The following ADGRB3 variants were observed in gnomAD, a reference collection of about 807,000 sequenced individuals.
ADGRB3 encodes the protein brain-specific angiogenesis inhibitor 3.
ADGRB3 carries 37 observed loss-of-function variants against 193.4 expected under a neutral mutation model. That is an observed-to-expected ratio of 0.19 (90% CI 0.15 to 0.25). The LOEUF is 0.25. Among genes scored for constraint, ADGRB3 ranks in the 10% least tolerant of loss-of-function variants. The probability of loss-of-function intolerance (pLI) is 1.00; values close to 1 mark genes in which losing one functional copy is unlikely to be tolerated. For synonymous variants in ADGRB3, 690 were observed against 644.2 expected (o/e 1.07, Z -1.08); for missense variants, 1,637 against 1,852.9 (o/e 0.88, Z 2.14).
chr6:68,962,329 T>G lies in ADGRB3; in HGVS notation c.1525+5520T>G, dbSNP rs528248731. Among the ~76,000 whole-genome samples the G allele has an allele frequency of 3.8e-3, 586 of 152,252 alleles. 10 individuals carry two copies. The highest frequency in any genetic ancestry group is 0.014 in the African/African-American group (562 of 41,566). ...TCAAGCTGAGTTGTATGGGCAGACT[T>G]GGGGAAGAACCGCTGAGATCTAAAA... On this transcript the variant is annotated intron_variant, in intron 8 of 31. Coordinates refer to ENST00000370598, the MANE Select transcript of ADGRB3 (RefSeq NM_001704.3).
chr6:68,684,088 T>C (rs1764942639), intron 3 of ADGRB3, among the ~76,000 whole-genome samples: 1 of 152,198 alleles, frequency 6.6e-6, no homozygotes, highest in African/African-American at 2.4e-5. Flanking sequence ...TTCTGAAATA[T>C]GCGGCAACAG....
chr6:68,825,201 G>C (rs981015706), intron 3 of ADGRB3, among the ~76,000 whole-genome samples: 1 of 151,362 alleles, frequency 6.6e-6, no homozygotes, highest in African/African-American at 2.4e-5. Flanking sequence ...TTTTTTTTTC[G>C]TAAATTAATC....
intron 26 of ADGRB3, among the ~76,000 whole-genome samples, chr6:69,340,332 G>T (rs1367656173): frequency 6.6e-6 from 1 of 152,164 alleles, no homozygotes; most frequent in Non-Finnish European, 1.5e-5. Flanking sequence ...TGCAAGCACT[G>T]AGAGTATTTA....
At chr6:68,855,181 G>A (rs1764943701) in intron 3 of ADGRB3, among the ~76,000 whole-genome samples, 1 of 152,092 alleles carries the variant, frequency 6.6e-6, no homozygotes, top group Non-Finnish European at 1.5e-5. Context: ...CTGTTTCTTA[G>A]TAGATATCAA....
intron 3 of ADGRB3, among the ~76,000 whole-genome samples, chr6:68,877,225 TA>T (rs1765617912): frequency 6.6e-6 from 1 of 151,886 alleles, no homozygotes; most frequent in South Asian, 2.1e-4. Flanking sequence ...GGATTCTTTA[TA>T]AATAATCTAC....
intron 3 of ADGRB3, among the ~76,000 whole-genome samples, chr6:68,805,595 A>T (rs1767387340): frequency 6.6e-6 from 1 of 152,198 alleles, no homozygotes; most frequent in Admixed American, 6.5e-5. Context: ...CAGAGATGAA[A>T]GATCCAATAT....
intron 29 of ADGRB3, among the ~76,000 whole-genome samples, chr6:69,366,619 C>A (rs1455876006): frequency 6.6e-6 from 1 of 152,044 alleles, no homozygotes; most frequent in Non-Finnish European, 1.5e-5. Context: ...TAAAGAATTT[C>A]TCCTTTCTAT....
intron 20 of ADGRB3, among the ~76,000 whole-genome samples, chr6:69,260,087 A>G (rs1766891708): frequency 1.3e-5 from 2 of 152,208 alleles, no homozygotes; most frequent in Non-Finnish European, 2.9e-5. Flanking sequence ...ATTTGTGCTC[A>G]GTTATAGATT....
intron 3 of ADGRB3, among the ~76,000 whole-genome samples, chr6:68,721,912 A>G (rs1765589859): frequency 6.6e-6 from 1 of 151,396 alleles, no homozygotes; most frequent in African/African-American, 2.4e-5. Context: ...TTTTTAATGT[A>G]TGATATTTAA....
intron 3 of ADGRB3, among the ~76,000 whole-genome samples, chr6:68,754,472 T>G (rs867678792): frequency 1.3e-5 from 2 of 152,230 alleles, no homozygotes; most frequent in African/African-American, 2.4e-5. Context: ...TGCCTTTTGA[T>G]TGTTTCCTCT....
intron 20 of ADGRB3, among the ~76,000 whole-genome samples, chr6:69,291,638 T>C (rs1385946145): frequency 1.3e-5 from 2 of 152,154 alleles, no homozygotes; most frequent in Non-Finnish European, 2.9e-5. Flanking sequence ...TGAAGCCCAG[T>C]TTAGGGAAAC....
At chr6:68,670,472 G>T (rs999121088) in intron 3 of ADGRB3, among the ~76,000 whole-genome samples, 1 of 151,802 alleles carries the variant, frequency 6.6e-6, no homozygotes, top group African/African-American at 2.4e-5. Flanking sequence ...ATCTAGTGTT[G>T]TTGTTCTGCA....
intron 3 of ADGRB3, among the ~76,000 whole-genome samples, chr6:68,736,244 C>T (rs777196827): frequency 1.1e-4 from 17 of 152,096 alleles, no homozygotes; most frequent in Non-Finnish European, 2.4e-4. Context: ...ATCTCAAACT[C>T]CTGGGCTCAA....
chr6:68,756,200 A>C (rs751379245), intron 3 of ADGRB3, among the ~76,000 whole-genome samples: 1 of 152,304 alleles, frequency 6.6e-6, no homozygotes, highest in Non-Finnish European at 1.5e-5. Flanking sequence ...GGCTGTATAT[A>C]ACTTCCACTT....
At chr6:69,265,553 C>A (rs2127276045) in intron 20 of ADGRB3, among the ~76,000 whole-genome samples, 1 of 151,998 alleles carries the variant, frequency 6.6e-6, no homozygotes, top group Admixed American at 6.6e-5. Context: ...ATTGTGAAAG[C>A]CTCTAAATTG....
intron 20 of ADGRB3, among the ~76,000 whole-genome samples, chr6:69,308,169 G>A (rs1768104683): frequency 6.6e-6 from 1 of 151,426 alleles, no homozygotes; most frequent in Non-Finnish European, 1.5e-5. Flanking sequence ...AAATCAAACT[G>A]CGTGAGTTTG....
intron 20 of ADGRB3, among the ~76,000 whole-genome samples, chr6:69,286,459 C>T (rs1193947939): frequency 6.6e-6 from 1 of 152,186 alleles, no homozygotes; most frequent in Non-Finnish European, 1.5e-5. Context: ...ATGCTATTTA[C>T]TTGTGCCTTT....
intron 28 of ADGRB3, among the ~76,000 whole-genome samples, chr6:69,358,807 G>A (rs1769384922): frequency 6.6e-6 from 1 of 151,780 alleles, no homozygotes. Context: ...ATTTGTTTAT[G>A]CTGTATATTC....
At chr6:69,077,444 A>G (rs989930245) in intron 17 of ADGRB3, among the ~76,000 whole-genome samples, 2 of 151,888 alleles carry the variant, frequency 1.3e-5, no homozygotes, top group African/African-American at 4.8e-5. Context: ...TAGTTTTATT[A>G]TTATTATTTT....
Sources: allele counts gnomAD v4.1 joint callset (sites outside exome capture counted in the v4.1 genomes callset), GRCh38; gene constraint gnomAD v4.1.1; transcripts MANE v1.5; gene names NCBI Gene and HGNC (gene_info 2026-07-23, HGNC 2026-07-21).